CDH18: variants seen among roughly 807,000 people sequenced by gnomAD.
CDH18 encodes the protein cadherin-18.
A neutral mutation model predicts 67.9 loss-of-function variants in CDH18; 31 were observed. That is an observed-to-expected ratio of 0.46 (90% confidence interval 0.34 to 0.62). The LOEUF is 0.62. Among genes scored for constraint, CDH18 ranks in the 20% least tolerant of loss-of-function variants. The probability of loss-of-function intolerance (pLI) is 0.01; values close to 1 mark genes in which losing one functional copy is unlikely to be tolerated. For synonymous variants in CDH18, 362 were observed against 347.2 expected (o/e 1.04, Z -0.48); for missense variants, 890 against 975.5 (o/e 0.91, Z 1.17).
chr5:20,447,253 T>C (rs1750071365), intron 1 of CDH18, among the ~76,000 whole-genome samples: 1 of 152,144 alleles, frequency 6.6e-6, no homozygotes, highest in Non-Finnish European at 1.5e-5. Flanking sequence ...TTATTATGGT[T>C]GTTTCCCCTC....
chr5:20,276,573 C>T (rs564994077), intron 1 of CDH18, among the ~76,000 whole-genome samples: 1 of 152,280 alleles, frequency 6.6e-6, no homozygotes, highest in South Asian at 2.1e-4. Context: ...TTGGATGAGA[C>T]TCAGGTGTGA....
intron 4 of CDH18, among the ~76,000 whole-genome samples, chr5:19,731,838 C>T (rs1767637949): frequency 6.6e-6 from 1 of 152,050 alleles, no homozygotes; most frequent in Non-Finnish European, 1.5e-5. Context: ...ACTTGCAATC[C>T]CAGCACGCTG....
Position 19,792,396 on chromosome 5 carries a change from G to A in CDH18, c.229-45160C>T, listed in dbSNP as rs553614054. Among the ~76,000 whole-genome samples the A allele has an allele frequency of 2.0e-5, 3 of 152,268 alleles. No homozygotes were observed. The South Asian group carries it at 6.2e-4, about 32-fold the overall frequency. On this transcript the variant is annotated intron_variant, in intron 3 of 12. Coordinates refer to ENST00000382275, the MANE Select transcript of CDH18 (RefSeq NM_004934.5). The stretch of plus-strand genomic sequence containing the variant: ...TCAAGTCTTTGAACTTGGAATAGGA[G>A]TTACATTGTTGGCTGGCTTAGTTGC...
chr5:19,671,769 G>A (rs1170352396), intron 5 of CDH18, among the ~76,000 whole-genome samples: 1 of 152,064 alleles, frequency 6.6e-6, no homozygotes, highest in Non-Finnish European at 1.5e-5. Context: ...TGTGTACAAT[G>A]GAGAAACCTA....
intron 2 of CDH18, among the ~76,000 whole-genome samples, chr5:20,147,520 A>G (rs1750745379): frequency 6.6e-6 from 1 of 152,132 alleles, no homozygotes; most frequent in Admixed American, 6.6e-5. Context: ...TTTCATCCCA[A>G]TGTGTACCAC....
At chr5:20,025,207 G>A (rs6890750) in intron 2 of CDH18, among the ~76,000 whole-genome samples, 5,324 of 152,096 alleles carry the variant, frequency 0.035, 308 homozygotes, top group African/African-American at 0.12. Context: ...GAAAAATTCC[G>A]CCTTTCAATG....
At chr5:20,330,384 A>G (rs1739055492) in intron 1 of CDH18, among the ~76,000 whole-genome samples, 1 of 152,112 alleles carries the variant, frequency 6.6e-6, no homozygotes, top group Admixed American at 6.6e-5. Flanking sequence ...CCATCAGGTG[A>G]TGGTCAGGAG....
At chr5:20,325,733 C>A (rs1738507030) in intron 1 of CDH18, among the ~76,000 whole-genome samples, 1 of 151,764 alleles carries the variant, frequency 6.6e-6, no homozygotes. Flanking sequence ...TTATCACCTT[C>A]TTTCCCTTAC....
At chr5:19,662,803 C>G (rs1018657366) in intron 5 of CDH18, among the ~76,000 whole-genome samples, 3 of 152,006 alleles carry the variant, frequency 2.0e-5, no homozygotes, top group Non-Finnish European at 4.4e-5. Flanking sequence ...AATTATAGCA[C>G]TCTGTACCAA....
At chr5:20,353,173 A>G (rs1291647799) in intron 1 of CDH18, among the ~76,000 whole-genome samples, 2 of 152,198 alleles carry the variant, frequency 1.3e-5, no homozygotes, top group Non-Finnish European at 2.9e-5. Flanking sequence ...GTTACTTACA[A>G]CAGCCTCCAC....
chr5:19,991,562 GTGTT>G (rs1448865611), upstream of CDH18, among the ~76,000 whole-genome samples: 1 of 152,076 alleles, frequency 6.6e-6, no homozygotes, highest in Non-Finnish European at 1.5e-5. Flanking sequence ...TTTATTTTAT[GTGTT>G]TGGTTAGCAA....
chr5:20,047,116 G>A (rs866931934), intron 2 of CDH18, among the ~76,000 whole-genome samples: 1 of 151,880 alleles, frequency 6.6e-6, no homozygotes, highest in Admixed American at 6.6e-5. Flanking sequence ...ATGTTTACAT[G>A]TTGATGAGAA....
chr5:20,242,640 A>ATATATGTATG (rs1561906125), intron 2 of CDH18, among the ~76,000 whole-genome samples: 7 of 138,036 alleles, frequency 5.1e-5, no homozygotes, highest in East Asian at 4.1e-4. Context: ...ATATGTATAT[A>ATATATGTATG]TATATATATA....
intron 2 of CDH18, among the ~76,000 whole-genome samples, chr5:20,174,451 T>C (rs1580405755): frequency 6.6e-6 from 1 of 152,166 alleles, no homozygotes; most frequent in Non-Finnish European, 1.5e-5. Flanking sequence ...GTAACACAGA[T>C]ACACTCAGAT....
intron 3 of CDH18, among the ~76,000 whole-genome samples, chr5:19,816,648 A>C (rs1290164693): frequency 6.6e-6 from 1 of 152,006 alleles, no homozygotes; most frequent in South Asian, 2.1e-4. Flanking sequence ...AAAAATAGGA[A>C]GTCAGATGTA....
chr5:20,280,839 T>C (rs1746201253), intron 1 of CDH18, among the ~76,000 whole-genome samples: 1 of 152,180 alleles, frequency 6.6e-6, no homozygotes, highest in Admixed American at 6.5e-5. Flanking sequence ...GTAAAAGTGT[T>C]CCTATTTCTC....
chr5:19,689,569 A>T (rs1413735477), intron 5 of CDH18, among the ~76,000 whole-genome samples: 1 of 151,922 alleles, frequency 6.6e-6, no homozygotes, highest in African/African-American at 2.4e-5. Context: ...TATATCTATC[A>T]TTGTGAAATA....
intron 3 of CDH18, among the ~76,000 whole-genome samples, chr5:19,806,989 G>A (rs1732943650): frequency 6.6e-6 from 1 of 152,106 alleles, no homozygotes; most frequent in Admixed American, 6.5e-5. Flanking sequence ...ATTGCTCATG[G>A]GCTAAAAACC....
intron 7 of CDH18, among the ~76,000 whole-genome samples, chr5:19,575,724 G>C (rs1041226918): frequency 1.3e-5 from 2 of 152,072 alleles, no homozygotes; most frequent in Admixed American, 1.3e-4. Flanking sequence ...AAACAGGTTG[G>C]GTTGTAACAA....
Sources: gnomAD v4.1 joint callset for allele counts (sites outside exome capture counted in the v4.1 genomes callset) on GRCh38, gnomAD v4.1.1 for gene constraint, MANE v1.5 for transcripts, NCBI Gene and HGNC (gene_info 2026-07-23, HGNC 2026-07-21) for gene names.